The following EIF2D variants were observed in gnomAD, a reference collection of about 807,000 sequenced individuals.
EIF2D encodes eukaryotic translation initiation factor 2D.
A neutral mutation model predicts 77.4 loss-of-function variants in EIF2D; 56 were observed. The observed-to-expected ratio is 0.72, with a 90% CI of 0.58 to 0.90. The LOEUF is 0.90. EIF2D is among the 40% of genes least tolerant of loss of function. The pLI is 0.00. For synonymous variants in EIF2D, 230 were observed against 271.0 expected (o/e 0.85, Z 1.49); for missense variants, 574 against 706.5 (o/e 0.81, Z 2.13).
In EIF2D at chr1:206,579,137, A is replaced by G. The variant is rs1403846303; in HGVS notation, c.*254+1555T>C. Among the ~76,000 whole-genome samples the G allele has an allele frequency of 6.6e-6, 1 of 152,168 alleles. No individual in the cohort carries two copies. The highest frequency in any genetic ancestry group is 2.4e-5 in the African/African-American group (1 of 41,426). On this transcript the variant is annotated intron_variant and NMD_transcript_variant, in intron 4 of 5. Transcript: ENST00000472709. The surrounding 1 kb of genome is among the most constrained non-coding windows in gnomAD (Gnocchi z 4.2). ...ATTGCCCTTTTCCACCGCATAGGAC[A>G]TGTGAGCACAAACCTGTTTTTCACC...
chr1:206,597,304 A>C (rs995983693), intron 11 of EIF2D, 109 bp from the exon 12 acceptor site: 2 of 754,590 alleles, frequency 2.7e-6, no homozygotes, highest in Non-Finnish European at 4.4e-6. Context: ...TCAGGATATG[A>C]ATCAATTATG....
intron 3 of EIF2D, among the ~76,000 whole-genome samples, chr1:206,609,051 CAAA>C (rs201039918): frequency 7.2e-6 from 1 of 139,542 alleles, no homozygotes. Context: ...GACTCCATCT[CAAA>C]AAAAAAAAAA....
intron 11 of EIF2D, among the ~76,000 whole-genome samples, chr1:206,598,450 A>G (rs1218474798): frequency 6.6e-6 from 1 of 152,252 alleles, no homozygotes; most frequent in Non-Finnish European, 1.5e-5. Flanking sequence ...AGATAGAAGA[A>G]ATAAGTTTAG....
In EIF2D at chr1:206,599,176, A is replaced by G; in HGVS notation, c.1203-84T>C. The G allele has an allele frequency of 7.5e-7, 1 of 1,334,372 alleles. No individual in the cohort carries two copies. The allele number at this position is 1,334,372 out of a possible 1,614,324, so 82.7% of individuals were successfully genotyped here. A position where few individuals can be genotyped will look rare whatever the true frequency, so the allele number is the denominator to read the frequency against. ...AGATGCCCAGACTCACTCCCTGCTG[A>G]GCAGGGAACTTTCCTTAGCTTTCGG... On this transcript the variant is annotated intron_variant, in intron 10 of 14. Transcript: ENST00000271764. The surrounding 1 kb of genome is among the most constrained non-coding windows in gnomAD (Gnocchi z 4.1).
chr1:206,596,177 G>A (rs1669636585), intron 12 of EIF2D, among the ~76,000 whole-genome samples: 1 of 152,204 alleles, frequency 6.6e-6, no homozygotes. Context: ...GCTACTACCT[G>A]TCTCAAGAAT....
At chr1:206,572,640 C>G (rs1424658442) in exon 5 of EIF2D, 1 of 152,236 alleles carries the variant, frequency 6.6e-6, no homozygotes, top group Non-Finnish European at 1.5e-5. Context: ...CCATGAGGCA[C>G]AGCAGGCATC....
chr1:206,608,066 A>G (rs1670283939), intron 4 of EIF2D, among the ~76,000 whole-genome samples, 170 bp downstream of exon 4: 1 of 152,248 alleles, frequency 6.6e-6, no homozygotes, highest in African/African-American at 2.4e-5. Context: ...GCCCAGGCAC[A>G]TGGATTCCCC....
At chr1:206,602,859 T>G (rs1669993501) in intron 6 of EIF2D, 92 bp downstream of exon 6, 1 of 1,526,570 alleles carries the variant, frequency 6.6e-7, no homozygotes, top group Admixed American at 2.1e-5. Context: ...CCCGGAAGCT[T>G]AAGGGCCATT....
Position 206,596,649 on chromosome 1 carries a change from T to C in EIF2D, c.1388+451A>G, listed in dbSNP as rs964456772. ...TCTGCATCTTATTGAAGTTTTATTT[T>C]ATTTTTTCTTATTTTTTTAAATGCC... On this transcript the variant is annotated intron_variant, in intron 12 of 14. Coordinates refer to ENST00000271764, the MANE Select transcript of EIF2D (RefSeq NM_006893.3). 7.2e-5 allele frequency among the ~76,000 whole-genome samples: 11 copies of C among 152,328 alleles called. No individual in the cohort carries two copies. In the South Asian group the frequency reaches 2.3e-3, roughly 32 times the overall value.
chr1:206,577,785 T>C (rs1553405448), intron 4 of EIF2D, among the ~76,000 whole-genome samples: 1 of 152,212 alleles, frequency 6.6e-6, no homozygotes, highest in African/African-American at 2.4e-5. Flanking sequence ...TAGGGGATCA[T>C]TGAAGGTTCT....
chr1:206,584,454 C>G lies in EIF2D; in HGVS notation c.139-3292G>C. On this transcript the variant is annotated intron_variant and NMD_transcript_variant, in intron 2 of 5. Coordinates refer to the EIF2D transcript ENST00000472709. This position sits in a 1 kb window ranked among gnomAD's most constrained non-coding sequence, Gnocchi z 4.9. ...AAACTCCGGCGGCCTGTGACGGTGCCTGCTGGGATCCGGCCCCAGTCCATC... is the reference window on the plus strand; with the variant it reads ...AAACTCCGGCGGCCTGTGACGGTGCGTGCTGGGATCCGGCCCCAGTCCATC... 2.5e-6 allele frequency: 4 copies of G among 1,614,186 alleles called. No individual in the cohort carries two copies. The highest frequency in any genetic ancestry group is 3.4e-6 in the Non-Finnish European group (4 of 1,180,032).
intron 2 of EIF2D, chr1:206,586,409 C>T (rs782357777): frequency 1.2e-5 from 2 of 168,920 alleles, no homozygotes; most frequent in Non-Finnish European, 2.5e-5. Flanking sequence ...AAGCTGTGCT[C>T]GAGGTCACAC....
At chr1:206,572,302 T>C (rs1231491463) in intron 5 of EIF2D, among the ~76,000 whole-genome samples, 1 of 152,136 alleles carries the variant, frequency 6.6e-6, no homozygotes, top group Non-Finnish European at 1.5e-5. Context: ...AGACCCTGCC[T>C]TGAGGGAGCT....
chr1:206,592,611 G>A lies in EIF2D; in HGVS notation c.1685-766C>T, dbSNP rs1015424642. 2.0e-5 allele frequency among the ~76,000 whole-genome samples: 3 copies of A among 152,240 alleles called. No individual in the cohort carries two copies. Among genetic ancestry groups the A allele is most frequent in the Non-Finnish European group, 4.4e-5 (3 of 68,038 alleles). On this transcript the variant is annotated intron_variant, in intron 14 of 14. Transcript: ENST00000271764. The surrounding 1 kb of genome is among the most constrained non-coding windows in gnomAD (Gnocchi z 4.7). The stretch of plus-strand genomic sequence containing the variant: ...TGCCAGAGAGAGCCTGGCAGGGAAG[G>A]CTGGGGTCAGGCTGGGAGGGTCTTG...
Position 206,611,341 on chromosome 1 carries a change from G to A in EIF2D, c.90C>T (p.Phe30=), listed in dbSNP as rs1211684681. ...RKLRADVTTA[F]PTLGTDQVSE... ...AGACTTGATCAGTTCCAAGGGTGGG[G>A]AAAGCAGTTGTCACATCAGCTCGAA... The change falls in exon 2 of 15, where the codon TTC becomes TTT. Residue 30 remains phenylalanine (F), a synonymous_variant. Transcript: ENST00000271764. 1 of 1,614,004 alleles carries A rather than the reference G, an allele frequency of 6.2e-7. No homozygotes were observed. Among genetic ancestry groups the A allele is most frequent in the Non-Finnish European group, 8.5e-7 (1 of 1,180,008 alleles).
intron 2 of EIF2D, chr1:206,583,473 C>G (rs1487015866): frequency 1.4e-5 from 12 of 843,890 alleles, no homozygotes; most frequent in Non-Finnish European, 2.4e-5. Context: ...TGGCTACTCC[C>G]TGGCAGGTCC....
chr1:206,601,583 A>C (rs1324866222), intron 7 of EIF2D: 1 of 152,234 alleles, frequency 6.6e-6, no homozygotes, highest in African/African-American at 2.4e-5. Flanking sequence ...AACAAAAAAT[A>C]AATAAATAAA....
intron 4 of EIF2D, among the ~76,000 whole-genome samples, chr1:206,578,100 CT>C (rs1668722222): frequency 7.0e-6 from 1 of 143,328 alleles, no homozygotes; most frequent in African/African-American, 2.5e-5. Flanking sequence ...GTGGCACATG[CT>C]TGTAGTCCCA....
chr1:206,583,750 T>G, intron 2 of EIF2D: 1 of 244,616 alleles, frequency 4.1e-6, no homozygotes, highest in Admixed American at 5.1e-5. Context: ...CCTTCGATTG[T>G]GAGAGAGGGA....
Sources: gnomAD v4.1 joint callset for allele counts (sites outside exome capture counted in the v4.1 genomes callset) on GRCh38, gnomAD v4.1.1 for gene constraint, Gnocchi (gnomAD v3.1) non-coding constraint, MANE v1.5 for transcripts, NCBI Gene and HGNC (gene_info 2026-07-23, HGNC 2026-07-21) for gene names.